Variants in FIBCD1 observed in about 807,000 individuals in gnomAD.
FIBCD1 encodes the protein fibrinogen C domain-containing protein 1.
In FIBCD1, 47 loss-of-function variants were observed where a neutral mutation model predicts 45.1. That is an observed-to-expected ratio of 1.04 (90% confidence interval 0.82 to 1.33). The LOEUF (loss-of-function observed/expected upper bound fraction) is 1.33. FIBCD1 is among the 40% of genes most tolerant of loss of function. The pLI is 0.00. For missense variants in FIBCD1, 653 were observed against 682.2 expected, an observed-to-expected ratio of 0.96 and a Z score of 0.48; for synonymous variants, 313 against 308.1, an observed-to-expected ratio of 1.02 and a Z score of -0.17.
chr9:130,914,720 C>T (rs547985472), intron 4 of FIBCD1, among the ~76,000 whole-genome samples: 3 of 152,198 alleles, frequency 2.0e-5, no homozygotes, highest in African/African-American at 7.2e-5. Context: ...CTGCCTCCAG[C>T]GCTCACTCCC....
Position 130,930,413 on chromosome 9 carries a change from C to T in FIBCD1, c.73-367G>A, listed in dbSNP as rs559104224. On this transcript the variant is annotated intron_variant, in intron 1 of 6. Transcript: ENST00000372338. ...GGAGACATGGGGAGATGCGGGGAGACGCGGGGAGACACGGGGAGACATGGG... is the reference window on the plus strand; with the variant it reads ...GGAGACATGGGGAGATGCGGGGAGATGCGGGGAGACACGGGGAGACATGGG... Among the ~76,000 whole-genome samples the T allele has an allele frequency of 3.4e-4, 50 of 146,224 alleles. No homozygotes were observed. In the East Asian group the frequency reaches 7.6e-3, roughly 22 times the overall value.
At chr9:130,911,558 C>G (rs1312342405) in intron 5 of FIBCD1, among the ~76,000 whole-genome samples, 9 of 152,378 alleles carry the variant, frequency 5.9e-5, no homozygotes, top group African/African-American at 2.2e-4. Context: ...GTGGGACCCT[C>G]AGCCTTTATG....
chr9:130,931,275 C>T (rs534923960), intron 1 of FIBCD1, among the ~76,000 whole-genome samples: 6 of 152,266 alleles, frequency 3.9e-5, no homozygotes, highest in Middle Eastern at 3.4e-3. Context: ...CTTGGGAGGC[C>T]GAGGCGGGCA....
At chr9:130,932,036 G>A (rs919268301) in intron 1 of FIBCD1, among the ~76,000 whole-genome samples, 2 of 152,206 alleles carry the variant, frequency 1.3e-5, no homozygotes, top group African/African-American at 4.8e-5. Flanking sequence ...TGTTATTTCT[G>A]TGTGTCGTCA....
chr9:130,911,806 C>T lies in FIBCD1; in HGVS notation c.932G>A (p.Gly311Glu). The T allele has an allele frequency of 6.2e-7, 1 of 1,602,796 alleles. No homozygotes were observed. The highest frequency in any genetic ancestry group is 1.7e-5 in the Admixed American group (1 of 59,066). ...AYRDGFGRLT[G>E]EHWLGLKRIH... ...GGGGTGCTCACCTAGCCAGTGCTCC[C>T]CGGTGAGCCTGCCAAAGCCGTCTCG... The change falls in exon 5 of 7, where the codon GGG becomes GAG. Residue 311 changes from glycine (G) to glutamate (E), a missense_variant. By Grantham distance (98) the Gly-to-Glu change is moderately conservative (BLOSUM62 -2). Coordinates refer to ENST00000372338, the MANE Select transcript of FIBCD1 (RefSeq NM_032843.5).
chr9:130,917,091 T>C (rs1564336300), intron 4 of FIBCD1, among the ~76,000 whole-genome samples: 1 of 148,356 alleles, frequency 6.7e-6, no homozygotes. Context: ...GAGTGAGACC[T>C]CGTCTTAAAA....
chr9:130,932,905 C>T lies in FIBCD1; in HGVS notation c.73-2859G>A, dbSNP rs533521832. Among the ~76,000 whole-genome samples, 302 of 152,326 alleles carry T rather than the reference C, an allele frequency of 2.0e-3. 3 individuals carry two copies. The highest frequency in any genetic ancestry group is 0.011 in the Admixed American group (167 of 15,300). ...GAGCCCGTCGGGAGACACCTTGCCC[C>T]GAGCAGCTCAGGGCTGCATCATCAG... On this transcript the variant is annotated intron_variant, in intron 1 of 6. Transcript: ENST00000372338.
rs985213428 is a variant in FIBCD1, at chr9:130,926,588, G to C, written c.553-2192C>G. On this transcript the variant is annotated intron_variant, in intron 2 of 6. Coordinates refer to ENST00000372338, the MANE Select transcript of FIBCD1 (RefSeq NM_032843.5). This position sits in a 1 kb window ranked among gnomAD's most constrained non-coding sequence, Gnocchi z 4.1. ...TAATCCCAGCACTTTGGGAGGCCAA[G>C]TTGGGTGGATCACCTAAGGTCAGGA... 6.6e-6 allele frequency among the ~76,000 whole-genome samples: 1 copy of C among 152,340 alleles called. No individual in the cohort carries two copies. The highest frequency in any genetic ancestry group is 1.5e-5 in the Non-Finnish European group (1 of 68,030).
intron 4 of FIBCD1, among the ~76,000 whole-genome samples, chr9:130,914,534 C>T (rs1832122175): frequency 6.6e-6 from 1 of 152,232 alleles, no homozygotes; most frequent in African/African-American, 2.4e-5. Flanking sequence ...AAGTAGGCCA[C>T]AGTGCGGGTA....
intron 4 of FIBCD1, among the ~76,000 whole-genome samples, chr9:130,913,016 G>A (rs1370278803): frequency 1.3e-5 from 2 of 152,168 alleles, no homozygotes; most frequent in Non-Finnish European, 2.9e-5. Context: ...AGGGGAGGAC[G>A]AGGAGCCCAC....
At chr9:130,911,965 C>T (rs925087114) in intron 4 of FIBCD1, 77 bp from the exon 5 acceptor site, 4 of 1,339,656 alleles carry the variant, frequency 3.0e-6, no homozygotes, top group South Asian at 2.5e-5. Context: ...CCACCCCGCC[C>T]AGAGACTCCC....
chr9:130,919,539 C>T (rs1413724066), intron 4 of FIBCD1, among the ~76,000 whole-genome samples: 1 of 152,240 alleles, frequency 6.6e-6, no homozygotes, highest in Non-Finnish European at 1.5e-5. Context: ...CTCTTCATCC[C>T]TCCCTGAGCC....
At chr9:130,927,413 G>T (rs1307094206) in intron 2 of FIBCD1, among the ~76,000 whole-genome samples, 1 of 152,082 alleles carries the variant, frequency 6.6e-6, no homozygotes, top group Non-Finnish European at 1.5e-5. Flanking sequence ...GTAGCCAGGC[G>T]CTCCAATATC....
intron 4 of FIBCD1, among the ~76,000 whole-genome samples, chr9:130,915,793 C>T (rs1025988657): frequency 2.0e-5 from 3 of 152,216 alleles, no homozygotes; most frequent in African/African-American, 4.8e-5. Context: ...GCTCTTAAGG[C>T]GCCAAGACAC....
chr9:130,912,392 CAAAAA>C (rs61490832), intron 4 of FIBCD1, among the ~76,000 whole-genome samples: 12,834 of 75,326 alleles, frequency 0.17, 783 homozygotes, highest in Non-Finnish European at 0.19. Context: ...GGCTCTCTCT[CAAAAA>C]AAAAAAAAAA....
chr9:130,911,511 C>T lies in FIBCD1; in HGVS notation c.946+281G>A, dbSNP rs1037478321. On this transcript the variant is annotated intron_variant, in intron 5 of 6. Transcript: ENST00000372338. ...TTGATTCAGGACAGCCAGCAGGTCC[C>T]AGGGTGACCCCGGCAGGAAGTGGCC... Among the ~76,000 whole-genome samples, 7 of 152,362 alleles carry T rather than the reference C, an allele frequency of 4.6e-5. No homozygotes were observed. The South Asian group carries it at 1.0e-3, about 23-fold the overall frequency.
Position 130,922,327 on chromosome 9 carries a change from C to T in FIBCD1, c.849+1417G>A, listed in dbSNP as rs918357679. 2.0e-5 allele frequency among the ~76,000 whole-genome samples: 3 copies of T among 152,240 alleles called. No homozygotes were observed. The East Asian group carries it at 5.8e-4, about 29-fold the overall frequency. ...CTGGCTAAGCAGGCCTGACTGGCAT[C>T]GCCGGCCTCCCAGTCTCTCTCCAGC... On this transcript the variant is annotated intron_variant, in intron 4 of 6. Transcript: ENST00000372338. The surrounding 1 kb of genome is among the most constrained non-coding windows in gnomAD (Gnocchi z 4.5).
chr9:130,914,474 A>G (rs1427817937), intron 4 of FIBCD1, among the ~76,000 whole-genome samples: 2 of 152,188 alleles, frequency 1.3e-5, no homozygotes, highest in Admixed American at 6.5e-5. Context: ...GAGGAGGGGC[A>G]GGGTCCTGGG....
chr9:130,926,595 G>C lies in FIBCD1; in HGVS notation c.553-2199C>G, dbSNP rs1832366024. Among the ~76,000 whole-genome samples the C allele has an allele frequency of 6.6e-6, 1 of 152,178 alleles. No homozygotes were observed. The highest frequency in any genetic ancestry group is 1.5e-5 in the Non-Finnish European group (1 of 68,034). ...AGCACTTTGGGAGGCCAAGTTGGGT[G>C]GATCACCTAAGGTCAGGAGTTTGAG... On this transcript the variant is annotated intron_variant, in intron 2 of 6. Transcript: ENST00000372338. This position sits in a 1 kb window ranked among gnomAD's most constrained non-coding sequence, Gnocchi z 4.1.
Sources: gnomAD v4.1 joint callset for allele counts (sites outside exome capture counted in the v4.1 genomes callset) on GRCh38, gnomAD v4.1.1 for gene constraint, Gnocchi (gnomAD v3.1) non-coding constraint, MANE v1.5 for transcripts, NCBI Gene and HGNC (gene_info 2026-07-23, HGNC 2026-07-21) for gene names.